The following SIVA1 variants were observed in gnomAD, a reference collection of about 807,000 sequenced individuals.
SIVA1 encodes the protein SIVA1 apoptosis inducing factor.
A neutral mutation model predicts 19.7 loss-of-function variants in SIVA1; 10 were observed. That is an observed-to-expected ratio of 0.51 (90% confidence interval 0.31 to 0.86). The LOEUF (loss-of-function observed/expected upper bound fraction) is 0.86. Among genes scored for constraint, SIVA1 ranks in the 40% least tolerant of loss-of-function variants. The pLI is 0.04. For synonymous variants in SIVA1, 130 were observed against 106.1 expected (o/e 1.23, Z -1.39); for missense variants, 241 against 245.2 (o/e 0.98, Z 0.11).
chr14:104,754,051 G>C (rs565084374), intron 1 of SIVA1, among the ~76,000 whole-genome samples: 1 of 152,174 alleles, frequency 6.6e-6, no homozygotes, highest in Non-Finnish European at 1.5e-5. Context: ...ACTCCGTGTG[G>C]CTGCAGTGTC....
At chr14:104,757,403 A>G (rs944939519) in intron 3 of SIVA1, 2 of 309,136 alleles carry the variant, frequency 6.5e-6, no homozygotes, top group Non-Finnish European at 1.3e-5. Context: ...AGTCCAAACA[A>G]TGTCTGAAAT....
chr14:104,753,346 T>C, intron 1 of SIVA1, 27 bp downstream of exon 1: 1 of 1,487,826 alleles, frequency 6.7e-7, no homozygotes, highest in Non-Finnish European at 9.2e-7. Context: ...CTGCCGAGGG[T>C]CCGCTGCGTC....
intron 3 of SIVA1, 24 bp downstream of exon 3, chr14:104,756,784 T>C (rs1463247222): frequency 6.3e-7 from 1 of 1,589,370 alleles, no homozygotes; most frequent in African/African-American, 1.3e-5. Context: ...TCCCTGGAGC[T>C]GCTGAGATCC....
At chr14:104,755,937 G>C in intron 2 of SIVA1, 113 bp downstream of exon 2, 1 of 1,031,416 alleles carries the variant, frequency 9.7e-7, no homozygotes, top group Non-Finnish European at 1.5e-6. Context: ...GCAGGACTCT[G>C]ACCCAGAGCT....
At chr14:104,756,209 G>A (rs1003081820) in intron 2 of SIVA1, 2 of 437,240 alleles carry the variant, frequency 4.6e-6, no homozygotes, top group Admixed American at 3.6e-5. Flanking sequence ...AAGTCTGGTT[G>A]GTGTGTCTAG....
intron 2 of SIVA1, 71 bp from the exon 3 acceptor site, chr14:104,756,533 G>T: frequency 6.3e-7 from 1 of 1,577,452 alleles, no homozygotes; most frequent in South Asian, 1.1e-5. Context: ...ATGCATGGAG[G>T]CAGGTAGCCC....
intron 3 of SIVA1, chr14:104,757,018 TC>T (rs1891912978): frequency 1.8e-6 from 1 of 540,770 alleles, no homozygotes; most frequent in South Asian, 2.1e-5. Flanking sequence ...TTCAGCCACT[TC>T]CTGTTCTGAT....
rs1356981946 is a variant in SIVA1 at position 104,759,407 on chromosome 14, C to T, written c.471-21C>T. ...AGCCCCTGACAGCAGCTTTTCTCTC[C>T]CCTCCCTGACGCTGTCGCAGCTGCA... On this transcript the variant is annotated intron_variant, in intron 3 of 3. Transcript: ENST00000329967. The surrounding 1 kb of genome is among the most constrained non-coding windows in gnomAD (Gnocchi z 4.2). 1.2e-6 allele frequency: 2 copies of T among 1,610,500 alleles called. No individual in the cohort carries two copies. Among genetic ancestry groups the T allele is most frequent in the South Asian group, 2.2e-5 (2 of 90,582 alleles).
At chr14:104,755,522 C>T in intron 1 of SIVA1, 108 bp from the exon 2 acceptor site, 1 of 995,898 alleles carries the variant, frequency 1.0e-6, no homozygotes, top group Non-Finnish European at 1.5e-6. Context: ...AGACAGAGGG[C>T]ACACAGGAGG....
chr14:104,753,578 G>C, intron 1 of SIVA1: 1 of 518,524 alleles, frequency 1.9e-6, no homozygotes, highest in Non-Finnish European at 3.5e-6. Context: ...TAGCCCCCGC[G>C]CCCTCTTCCA....
rs771423066 is a variant in SIVA1, at chr14:104,759,521, C to T, written c.*36C>T. 7.0e-6 allele frequency: 11 copies of T among 1,581,864 alleles called. No homozygotes were observed. Among genetic ancestry groups the T allele is most frequent in the African/African-American group, 2.7e-5 (2 of 74,482 alleles). ...AGCCGGCTGCCTTCACCGGGAGCCA[C>T]GCCGTGCATGGCAGCCTTCCCTGGA... On this transcript the variant is annotated 3_prime_UTR_variant, in exon 4 of 4. Transcript: ENST00000329967. This position sits in a 1 kb window ranked among gnomAD's most constrained non-coding sequence, Gnocchi z 4.2.
chr14:104,756,712 C>G lies in SIVA1; in HGVS notation c.422C>G (p.Thr141Ser), dbSNP rs8010264. The change falls in exon 3 of 4, where the codon ACC becomes AGC. Residue 141 changes from threonine (T) to serine (S), a missense_variant. Thr to Ser is a moderately conservative substitution (Grantham distance 58). Transcript: ENST00000329967. ...GCCCTGTGCGGGCAGTGTGTGCGCA[C>G]CTGCTGGGGCTGCGGCTCCGTGGCC... ...ERALCGQCVR[T>S]CWGCGSVACT... 1.8e-3 allele frequency: 2,918 copies of G among 1,614,056 alleles called. 46 individuals carry two copies. The African/African-American group carries it at 0.036, about 20-fold the overall frequency.
intron 3 of SIVA1, chr14:104,757,523 G>C (rs28529272): frequency 9.4e-4 from 163 of 173,598 alleles, no homozygotes; most frequent in African/African-American, 3.8e-3. Flanking sequence ...CCCTGGGCAG[G>C]GGGGGCAGCA....
chr14:104,755,627 C>T lies in SIVA1; in HGVS notation c.119-3C>T, dbSNP rs1315662504. On this transcript the variant is annotated splice_polypyrimidine_tract_variant and splice_region_variant and intron_variant, in intron 1 of 3. Transcript: ENST00000329967. ...GACGTGAGAATGATTTATCTTCCCC[C>T]AGAGAAGACCAAGCGACTCCTGTTC... 1.2e-6 allele frequency: 2 copies of T among 1,609,942 alleles called. No homozygotes were observed. Among genetic ancestry groups the T allele is most frequent in the Middle Eastern group, 1.9e-4 (1 of 5,158 alleles).
chr14:104,754,959 G>A (rs1891836227), intron 1 of SIVA1, among the ~76,000 whole-genome samples: 1 of 152,202 alleles, frequency 6.6e-6, no homozygotes, highest in African/African-American at 2.4e-5. Flanking sequence ...AAGCATTTCT[G>A]GGTCTGGCCC....
chr14:104,753,653 C>G lies in SIVA1; in HGVS notation c.118+334C>G, dbSNP rs373008386. 18 of 445,982 alleles carry G rather than the reference C, an allele frequency of 4.0e-5. No homozygotes were observed. The East Asian group carries it at 6.1e-4, about 15-fold the overall frequency. 27.6% of individuals were successfully genotyped at this position (445,982 alleles called of 1,614,324 possible). On this transcript the variant is annotated intron_variant, in intron 1 of 3. Transcript: ENST00000329967. ...GCCTGGTGCTTTCTCAGGACTGTCC[C>G]GTGCAGGATGTCCTGGGAGAGGTTG...
At chr14:104,756,539 A>G in intron 2 of SIVA1, 65 bp from the exon 3 acceptor site, 3 of 1,591,456 alleles carry the variant, frequency 1.9e-6, no homozygotes, top group Middle Eastern at 1.7e-4. Flanking sequence ...GGAGGCAGGT[A>G]GCCCGGCAGT....
At chr14:104,756,008 G>A in intron 2 of SIVA1, 184 bp downstream of exon 2, 1 of 711,334 alleles carries the variant, frequency 1.4e-6, no homozygotes, top group South Asian at 1.5e-5. Context: ...ACTGGAAGTT[G>A]TTAAACAGCT....
At chr14:104,753,877 G>A (rs967430931) in intron 1 of SIVA1, 3 of 417,458 alleles carry the variant, frequency 7.2e-6, no homozygotes, top group Non-Finnish European at 1.5e-5. Context: ...CAGGTGGTCG[G>A]GGCAGGCACA....
Sources: allele counts gnomAD v4.1 joint callset (sites outside exome capture counted in the v4.1 genomes callset), GRCh38; gene constraint gnomAD v4.1.1; non-coding constraint Gnocchi (gnomAD v3.1); transcripts MANE v1.5; gene names NCBI Gene and HGNC (gene_info 2026-07-23, HGNC 2026-07-21).